The following KRABD3 variants were observed in gnomAD, a reference collection of about 807,000 sequenced individuals.
KRABD3 encodes KRAB domain containing 3.
At chr7:149,730,749 G>A in the KRABD3 span, 894 of 784,160 alleles carry the variant, frequency 1.1e-3, no homozygotes, top group Admixed American at 5.0e-3. Context: ...GGGGCTGCTG[G>A]GGGTGCTGGT....
At chr7:149,724,842 G>T in the KRABD3 span, 5 of 1,577,314 alleles carry the variant, frequency 3.2e-6, no homozygotes, top group Non-Finnish European at 4.3e-6. Context: ...GGGGCCCTGA[G>T]GCTCAAGGTG....
At chr7:149,716,128 TG>T in the KRABD3 span, among the ~76,000 whole-genome samples, 1 of 152,124 alleles carries the variant, frequency 6.6e-6, no homozygotes, top group African/African-American at 2.4e-5. Flanking sequence ...GCCTCCAGGT[TG>T]AGAGGTCCTG....
chr7:149,722,916 A>C, the KRABD3 span: 1 of 1,612,330 alleles, frequency 6.2e-7, no homozygotes, highest in Non-Finnish European at 8.5e-7. Context: ...CGTCCAGGCT[A>C]ACCAGAGCAG....
the KRABD3 span, among the ~76,000 whole-genome samples, chr7:149,717,811 G>A: frequency 6.6e-6 from 1 of 152,206 alleles, no homozygotes; most frequent in Non-Finnish European, 1.5e-5. Flanking sequence ...CAAGGCTGCC[G>A]GTTAGTGGCA....
chr7:149,728,843 C>T, the KRABD3 span, among the ~76,000 whole-genome samples: 2 of 152,362 alleles, frequency 1.3e-5, no homozygotes, highest in Middle Eastern at 3.4e-3. Flanking sequence ...GCAGCACACA[C>T]GTGTAGACCT....
At chr7:149,726,574 G>T in the KRABD3 span, among the ~76,000 whole-genome samples, 3 of 152,070 alleles carry the variant, frequency 2.0e-5, no homozygotes, top group Non-Finnish European at 2.9e-5. Flanking sequence ...AGTAGCTGGG[G>T]TTATAGGTGT....
the KRABD3 span, chr7:149,725,239 T>C: frequency 7.1e-7 from 1 of 1,417,388 alleles, no homozygotes; most frequent in Non-Finnish European, 9.4e-7. Flanking sequence ...GCACGTCGGG[T>C]AGAGCCAGCC....
At chr7:149,730,442 C>T in the KRABD3 span, 3 of 1,597,020 alleles carry the variant, frequency 1.9e-6, no homozygotes, top group Middle Eastern at 3.3e-4. Flanking sequence ...GGACCGCCTT[C>T]CCAGCTGTAA....
the KRABD3 span, chr7:149,733,675 C>A: frequency 6.3e-7 from 1 of 1,585,848 alleles, no homozygotes; most frequent in East Asian, 2.3e-5. Context: ...CCAGAGGGAC[C>A]GCTCGCCGGG....
At chr7:149,734,156 C>T in the KRABD3 span, 2 of 1,392,662 alleles carry the variant, frequency 1.4e-6, no homozygotes. Context: ...CGCCATCTCC[C>T]TTACTGTTGC....
the KRABD3 span, chr7:149,723,665 C>A: frequency 1.6e-5 from 24 of 1,514,226 alleles, no homozygotes; most frequent in Non-Finnish European, 2.1e-5. Context: ...AACTTGTCCC[C>A]TGTTTGTTGT....
chr7:149,722,352 C>T, the KRABD3 span: 2 of 1,556,028 alleles, frequency 1.3e-6, no homozygotes, highest in Non-Finnish European at 1.7e-6. Context: ...CTATGGGAAC[C>T]AGATCTGGTG....
At chr7:149,727,807 A>G in the KRABD3 span, among the ~76,000 whole-genome samples, 1 of 152,086 alleles carries the variant, frequency 6.6e-6, no homozygotes, top group East Asian at 1.9e-4. Context: ...CTGTGGAGAA[A>G]ATGCATGTGG....
At chr7:149,725,602 C>T in the KRABD3 span, 4 of 1,146,582 alleles carry the variant, frequency 3.5e-6, no homozygotes, top group Admixed American at 8.4e-5. Context: ...CAGGCCCGTT[C>T]CCCCAGGCTG....
chr7:149,719,495 C>G, the KRABD3 span: 1 of 1,519,430 alleles, frequency 6.6e-7, no homozygotes, highest in Non-Finnish European at 8.8e-7. The surrounding 1 kb of genome is among the most constrained non-coding windows in gnomAD (Gnocchi z 5.6). Flanking sequence ...GACAGCTAGG[C>G]TGTCCCCTCT....
chr7:149,732,788 T>C, the KRABD3 span, among the ~76,000 whole-genome samples: 2 of 151,940 alleles, frequency 1.3e-5, no homozygotes, highest in Admixed American at 1.3e-4. This position sits in a 1 kb window ranked among gnomAD's most constrained non-coding sequence, Gnocchi z 4.0. Context: ...TTGGCTTGCC[T>C]GGCCCTCCTG....
chr7:149,729,629 A>T, the KRABD3 span: 1 of 985,404 alleles, frequency 1.0e-6, no homozygotes, highest in Non-Finnish European at 1.2e-6. Flanking sequence ...AAGCTTCTTG[A>T]GGGGGCTCCC....
the KRABD3 span, among the ~76,000 whole-genome samples, chr7:149,727,373 G>C: frequency 6.6e-6 from 1 of 152,218 alleles, no homozygotes; most frequent in African/African-American, 2.4e-5. Context: ...TGGGTGTGGG[G>C]CTTTTCCCCT....
the KRABD3 span, chr7:149,721,029 G>A: frequency 1.9e-6 from 3 of 1,606,952 alleles, no homozygotes; most frequent in East Asian, 6.7e-5. Context: ...AGCCTCCTCT[G>A]CACTCCGCAT....
Sources: allele counts gnomAD v4.1 joint callset (sites outside exome capture counted in the v4.1 genomes callset), GRCh38; gene constraint gnomAD v4.1.1; non-coding constraint Gnocchi (gnomAD v3.1); transcripts MANE v1.5; gene names NCBI Gene and HGNC (gene_info 2026-07-23, HGNC 2026-07-21).